DNM3: variants seen among roughly 807,000 people sequenced by gnomAD.
The protein encoded by DNM3 is dynamin-3.
DNM3 carries 47 observed loss-of-function variants against 101.6 expected under a neutral mutation model. The observed-to-expected ratio is 0.46, with a 90% CI of 0.37 to 0.59. DNM3 has a LOEUF of 0.59. DNM3 is among the 20% of genes least tolerant of loss of function. DNM3 has a pLI of 0.00. For missense variants in DNM3, 849 were observed against 1,085.7 expected (o/e 0.78, Z 3.06); for synonymous variants, 385 against 387.9 (o/e 0.99, Z 0.09).
At chr1:172,175,153 C>T (rs1240279486) in intron 14 of DNM3, among the ~76,000 whole-genome samples, 1 of 151,722 alleles carries the variant, frequency 6.6e-6, no homozygotes, top group Admixed American at 6.6e-5. Context: ...CTGTTGTTCA[C>T]ACGGGAGACA....
At chr1:172,175,478 C>T (rs2059124933) in intron 14 of DNM3, among the ~76,000 whole-genome samples, 1 of 151,602 alleles carries the variant, frequency 6.6e-6, no homozygotes, top group Admixed American at 6.6e-5. Context: ...AGGTATGATC[C>T]TAATTTCTTA....
intron 1 of DNM3, among the ~76,000 whole-genome samples, chr1:171,865,515 CAAAAAAA>C (rs57826674): frequency 1.1e-4 from 9 of 80,650 alleles, no homozygotes; most frequent in Non-Finnish European, 1.6e-4. Flanking sequence ...GATCCTGTCT[CAAAAAAA>C]AAAAAAAAAA....
At chr1:172,123,554 A>G (rs1416963939) in intron 13 of DNM3, among the ~76,000 whole-genome samples, 2 of 152,198 alleles carry the variant, frequency 1.3e-5, no homozygotes, top group East Asian at 3.8e-4. Context: ...CTTGTCCCTG[A>G]AAACTGCAGG....
At position 172,285,068 on chromosome 1, in the gene DNM3, G is replaced by A. The variant is rs182205730; in HGVS notation, c.1770-23660G>A. 1.0e-3 allele frequency among the ~76,000 whole-genome samples: 158 copies of A among 152,238 alleles called. 2 individuals carry two copies. The highest frequency in any genetic ancestry group is 4.4e-3 in the Admixed American group (67 of 15,282). Reference sequence around the variant, plus strand: ...ATGAAAAGTCTTAAAGGGATGAAGGGCATGCCATACAGTCCCTCACCTCAG... The same window carrying A: ...ATGAAAAGTCTTAAAGGGATGAAGGACATGCCATACAGTCCCTCACCTCAG... On this transcript the variant is annotated intron_variant, in intron 15 of 20. Coordinates refer to ENST00000627582, the MANE Select transcript of DNM3 (RefSeq NM_015569.5).
chr1:172,209,972 CATAATA>C (rs1300661231), intron 14 of DNM3, among the ~76,000 whole-genome samples: 1 of 152,056 alleles, frequency 6.6e-6, no homozygotes, highest in African/African-American at 2.4e-5. Context: ...GTAATAATTA[CATAATA>C]ATAATATTGT....
At chr1:172,253,087 C>T (rs374094063) in intron 14 of DNM3, among the ~76,000 whole-genome samples, 4 of 152,264 alleles carry the variant, frequency 2.6e-5, no homozygotes, top group African/African-American at 9.6e-5. Flanking sequence ...GCTATCAAAA[C>T]TGCTTAGGCT....
At chr1:171,957,154 T>G (rs2042913699) in intron 2 of DNM3, among the ~76,000 whole-genome samples, 1 of 152,166 alleles carries the variant, frequency 6.6e-6, no homozygotes, top group African/African-American at 2.4e-5. Flanking sequence ...ACAGCCTGCT[T>G]GAATTTCTTC....
intron 4 of DNM3, among the ~76,000 whole-genome samples, chr1:172,022,473 T>C (rs1300744910): frequency 6.6e-6 from 1 of 152,180 alleles, no homozygotes; most frequent in Admixed American, 6.5e-5. Flanking sequence ...TTTTGGTATA[T>C]CACTAAGTAT....
Position 172,304,206 on chromosome 1 carries a change from C to CAAAAAAAAAAAAAAA in DNM3, c.1770-4520_1770-4506dup, listed in dbSNP as rs575733774. Reference sequence around the variant, plus strand: ...GAATATCTACCATGCAAAAGGAAAGCAAAAAAAAAAAAAAAACAGGAGTTG... The same window carrying CAAAAAAAAAAAAAAA: ...GAATATCTACCATGCAAAAGGAAAGCAAAAAAAAAAAAAAAAAAAAAAAAAAAAAAACAGGAGTTG... On this transcript the variant is annotated intron_variant, in intron 15 of 20. Coordinates refer to ENST00000627582, the MANE Select transcript of DNM3 (RefSeq NM_015569.5). 9.4e-4 allele frequency among the ~76,000 whole-genome samples: 34 copies of CAAAAAAAAAAAAAAA among 36,362 alleles called. 3 individuals carry two copies. In the East Asian group the frequency reaches 0.011, roughly 12 times the overall value. 23.9% of individuals were successfully genotyped at this position (36,362 alleles called of 152,430 possible).
At chr1:172,304,012 C>A (rs1262656491) in intron 15 of DNM3, among the ~76,000 whole-genome samples, 1 of 151,778 alleles carries the variant, frequency 6.6e-6, no homozygotes, top group Non-Finnish European at 1.5e-5. Flanking sequence ...ATGTCAGGAT[C>A]AGAGTCAGAC....
intron 15 of DNM3, among the ~76,000 whole-genome samples, chr1:172,305,071 C>CA (rs1029168153): frequency 1.3e-5 from 2 of 151,924 alleles, no homozygotes; most frequent in Non-Finnish European, 2.9e-5. Context: ...AAATACCCTT[C>CA]AAAAAAATCA....
At chr1:171,973,728 A>G (rs868801464) in intron 2 of DNM3, among the ~76,000 whole-genome samples, 1 of 151,404 alleles carries the variant, frequency 6.6e-6, no homozygotes, top group South Asian at 2.1e-4. Flanking sequence ...CTGGGGCATA[A>G]TCTTGGCTTA....
At chr1:172,144,482 C>T (rs2057768705) in intron 14 of DNM3, 2 of 395,944 alleles carry the variant, frequency 5.1e-6, no homozygotes, top group South Asian at 4.4e-5. Context: ...AAGGAGCAAA[C>T]AAATGTCTTC....
At chr1:171,929,963 C>G (rs2040870626) in intron 2 of DNM3, among the ~76,000 whole-genome samples, 2 of 152,218 alleles carry the variant, frequency 1.3e-5, no homozygotes, top group African/African-American at 4.8e-5. Context: ...GTGGCCCACC[C>G]CTCCCTCTGG....
At chr1:171,977,424 A>T (rs1359803304) in intron 2 of DNM3, among the ~76,000 whole-genome samples, 1 of 152,254 alleles carries the variant, frequency 6.6e-6, no homozygotes, top group African/African-American at 2.4e-5. Context: ...TGACAACTGT[A>T]AACTTGATAG....
chr1:172,049,839 T>C (rs1224201669), intron 10 of DNM3, among the ~76,000 whole-genome samples: 4 of 152,148 alleles, frequency 2.6e-5, no homozygotes, highest in African/African-American at 4.8e-5. Flanking sequence ...AGTTCCCAGT[T>C]ACCTGACAGA....
intron 20 of DNM3, among the ~76,000 whole-genome samples, chr1:172,395,407 G>A (rs2069899384): frequency 6.6e-6 from 1 of 152,080 alleles, no homozygotes; most frequent in Non-Finnish European, 1.5e-5. Flanking sequence ...CTGACCTCAG[G>A]TGATCCACCC....
intron 15 of DNM3, among the ~76,000 whole-genome samples, chr1:172,283,780 A>AAAAAAAAAGAAAG (rs1553221113): frequency 2.0e-4 from 24 of 119,080 alleles, no homozygotes; most frequent in Non-Finnish European, 3.2e-4. Context: ...AAAAAAAAAA[A>AAAAAAAAAGAAAG]AAAGAAAGAA....
At chr1:172,174,982 A>T (rs1199435660) in intron 14 of DNM3, among the ~76,000 whole-genome samples, 2 of 151,734 alleles carry the variant, frequency 1.3e-5, no homozygotes, top group Non-Finnish European at 1.5e-5. Flanking sequence ...ACTGATTTTT[A>T]AAAATTATTA....
Sources: gnomAD v4.1 joint callset for allele counts (sites outside exome capture counted in the v4.1 genomes callset) on GRCh38, gnomAD v4.1.1 for gene constraint, MANE v1.5 for transcripts, NCBI Gene and HGNC (gene_info 2026-07-23, HGNC 2026-07-21) for gene names.